The following MECR variants were observed in gnomAD, a reference collection of about 807,000 sequenced individuals.
MECR encodes mitochondrial trans-2-enoyl-CoA reductase.
Under a neutral mutation model 49.1 loss-of-function variants are expected in MECR, and 37 were observed. That is an observed-to-expected ratio of 0.75 (90% CI 0.58 to 0.99). The LOEUF (loss-of-function observed/expected upper bound fraction) is 0.99, where lower values mean the gene tolerates loss of function less well. Among genes scored for constraint, MECR ranks in the 50% least tolerant of loss-of-function variants. MECR has a pLI of 0.00. For missense variants in MECR, 470 were observed against 479.6 expected, an observed-to-expected ratio of 0.98 and a Z score of 0.19; for synonymous variants, 198 against 191.1, an observed-to-expected ratio of 1.04 and a Z score of -0.30.
chr1:29,199,848 T>G (rs577707981), intron 7 of MECR, among the ~76,000 whole-genome samples: 3 of 152,262 alleles, frequency 2.0e-5, no homozygotes, highest in African/African-American at 7.2e-5. Flanking sequence ...CTTAAACTCC[T>G]GGCCTCAAGT....
downstream of MECR, among the ~76,000 whole-genome samples, chr1:29,192,187 C>T (rs1673160294): frequency 6.6e-6 from 1 of 152,180 alleles, no homozygotes; most frequent in South Asian, 2.1e-4. Context: ...TAAGCCCTGA[C>T]ATCATGGTCC....
At chr1:29,183,395 T>C in the MECR span, among the ~76,000 whole-genome samples, 1 of 150,128 alleles carries the variant, frequency 6.7e-6, no homozygotes, top group Non-Finnish European at 1.5e-5. Flanking sequence ...CTCTCTCTCT[T>C]TCTCTCTCTC....
intron 3 of MECR, among the ~76,000 whole-genome samples, chr1:29,215,409 CTT>C (rs1319182671): frequency 2.0e-5 from 3 of 152,092 alleles, no homozygotes; most frequent in Non-Finnish European, 4.4e-5. Flanking sequence ...AAAACCCCCT[CTT>C]TACTAAAAAT....
the MECR span, chr1:29,181,980 C>G: frequency 1.8e-4 from 69 of 373,512 alleles, no homozygotes; most frequent in Non-Finnish European, 6.6e-5. Flanking sequence ...GTTCGCTTCC[C>G]GCTCGGCCAG....
At chr1:29,192,462 A>G (rs771773416), downstream of MECR, among the ~76,000 whole-genome samples, 41 of 151,828 alleles carry the variant, frequency 2.7e-4, no homozygotes, top group Middle Eastern at 3.2e-3. Flanking sequence ...CCCTCTGAAC[A>G]CCTCCATGTC....
the MECR span, among the ~76,000 whole-genome samples, chr1:29,177,440 C>T: frequency 3.3e-5 from 5 of 152,234 alleles, no homozygotes; most frequent in East Asian, 9.6e-4. Flanking sequence ...TGCCACGACG[C>T]CCGGCTAACT....
At chr1:29,178,383 G>A in the MECR span, among the ~76,000 whole-genome samples, 1 of 127,846 alleles carries the variant, frequency 7.8e-6, no homozygotes, top group Admixed American at 8.5e-5. Context: ...TCTCGCTGTC[G>A]CCCAGGCTGG....
the MECR span, chr1:29,171,260 T>C: frequency 6.6e-6 from 1 of 151,628 alleles, no homozygotes; most frequent in African/African-American, 2.4e-5. Context: ...TGGCAGTAAC[T>C]TGTCAGCTTG....
chr1:29,194,707 A>G (rs1428006581), intron 9 of MECR, among the ~76,000 whole-genome samples: 2 of 152,156 alleles, frequency 1.3e-5, no homozygotes, highest in African/African-American at 2.4e-5. Context: ...GAAGGACCCT[A>G]TATGGTACAG....
chr1:29,217,361 C>T (rs925597523), intron 1 of MECR, among the ~76,000 whole-genome samples: 1 of 150,354 alleles, frequency 6.7e-6, no homozygotes, highest in Non-Finnish European at 1.5e-5. Context: ...AGGTGCCTGC[C>T]ACCACGCCCG....
the MECR span, chr1:29,181,895 G>T: frequency 1.8e-6 from 1 of 557,980 alleles, no homozygotes; most frequent in Non-Finnish European, 2.8e-6. Context: ...ACGTACGCGA[G>T]CACGCAGCTC....
chr1:29,208,337 G>A (rs1677127072), intron 3 of MECR, among the ~76,000 whole-genome samples: 1 of 152,216 alleles, frequency 6.6e-6, no homozygotes, highest in Non-Finnish European at 1.5e-5. Context: ...TAGAAGTCAA[G>A]AGCACAGATG....
chr1:29,194,510 GA>G (rs1393952313), intron 9 of MECR, among the ~76,000 whole-genome samples: 2 of 152,178 alleles, frequency 1.3e-5, no homozygotes, highest in Non-Finnish European at 2.9e-5. Context: ...ATGGTGGGAG[GA>G]AAAGGATGGC....
chr1:29,201,750 C>G lies in MECR; in HGVS notation c.756+193G>C, dbSNP rs1017049489. Among the ~76,000 whole-genome samples, 2 of 152,222 alleles carry G rather than the reference C, an allele frequency of 1.3e-5. No individual in the cohort carries two copies. The highest frequency in any genetic ancestry group is 2.9e-5 in the Non-Finnish European group (2 of 68,040). On this transcript the variant is annotated intron_variant, in intron 6 of 9. Coordinates refer to ENST00000263702, the MANE Select transcript of MECR (RefSeq NM_016011.5). The surrounding 1 kb of genome is among the most constrained non-coding windows in gnomAD (Gnocchi z 4.3). ...CCTAAACTCTGTTTCTCATGCCTCC[C>G]TCCCAGCATCTGGGCACTTAATGCG...
At chr1:29,190,371 A>AACAAT (rs1673096531), downstream of MECR, among the ~76,000 whole-genome samples, 1 of 151,938 alleles carries the variant, frequency 6.6e-6, no homozygotes, top group Non-Finnish European at 1.5e-5. Flanking sequence ...AACAAAACAA[A>AACAAT]ACAAAAAAAA....
the MECR span, chr1:29,172,877 A>G: frequency 6.6e-6 from 1 of 152,172 alleles, no homozygotes; most frequent in Admixed American, 6.6e-5. Flanking sequence ...AAAAAGGTAG[A>G]CAATATAAGA....
chr1:29,181,698 C>G, the MECR span: 2 of 1,596,430 alleles, frequency 1.3e-6, no homozygotes. Flanking sequence ...AAGAAGCGCT[C>G]CACATCGCGC....
intron 1 of MECR, chr1:29,220,574 A>C (rs1353805792): frequency 1.3e-5 from 2 of 152,220 alleles, no homozygotes; most frequent in African/African-American, 4.8e-5. Context: ...CTAGGCATAC[A>C]CATCTCACGT....
the MECR span, chr1:29,181,625 A>C: frequency 6.4e-7 from 1 of 1,567,114 alleles, no homozygotes; most frequent in South Asian, 1.2e-5. Context: ...GCCCGGCCGG[A>C]CCCTCTTTCG....
Sources: gnomAD v4.1 joint callset for allele counts (sites outside exome capture counted in the v4.1 genomes callset) on GRCh38, gnomAD v4.1.1 for gene constraint, Gnocchi (gnomAD v3.1) non-coding constraint, MANE v1.5 for transcripts, NCBI Gene and HGNC (gene_info 2026-07-23, HGNC 2026-07-21) for gene names.